TENM2: variants seen among roughly 807,000 people sequenced by gnomAD.
The protein encoded by TENM2 is teneurin-2.
A neutral mutation model predicts 245.2 loss-of-function variants in TENM2; 52 were observed. The observed-to-expected ratio is 0.21, with a 90% CI of 0.17 to 0.27. The LOEUF is 0.27. Ranked by LOEUF, TENM2 falls within the 10% of genes least tolerant of loss-of-function variation. The probability of loss-of-function intolerance (pLI) is 1.00; values close to 1 mark genes in which losing one functional copy is unlikely to be tolerated. For missense variants in TENM2, 3,046 were observed against 3,666.8 expected (o/e 0.83, Z 4.37); for synonymous variants, 1,363 against 1,438.9 (o/e 0.95, Z 1.19).
chr5:167,963,725 G>T (rs948400882), intron 4 of TENM2, among the ~76,000 whole-genome samples: 2 of 152,000 alleles, frequency 1.3e-5, no homozygotes, highest in East Asian at 3.9e-4. Context: ...TCTCTGCATT[G>T]CTCTCTTGAT....
intron 5 of TENM2, 109 bp downstream of exon 7, chr5:167,993,291 T>A: frequency 1.2e-6 from 1 of 856,712 alleles, no homozygotes; most frequent in South Asian, 1.7e-5. Context: ...TTTGCTTCTT[T>A]GCTCCTGAAA....
chr5:167,688,817 A>T (rs759991126), intron 2 of TENM2, among the ~76,000 whole-genome samples: 1 of 152,222 alleles, frequency 6.6e-6, no homozygotes, highest in Non-Finnish European at 1.5e-5. Flanking sequence ...ATTCCACAGC[A>T]TTCTCAGGCT....
chr5:167,411,765 A>C (rs1310527115), intron 2 of TENM2, among the ~76,000 whole-genome samples: 5 of 152,074 alleles, frequency 3.3e-5, no homozygotes, highest in African/African-American at 1.2e-4. Context: ...CATGTTATTA[A>C]AACTCAAACC....
At chr5:167,821,349 C>T (rs1282089514) in intron 2 of TENM2, 1 of 152,150 alleles carries the variant, frequency 6.6e-6, no homozygotes, top group Non-Finnish European at 1.5e-5. Flanking sequence ...TCTCGCAGAG[C>T]AAGGATCTGT....
intron 1 of TENM2, among the ~76,000 whole-genome samples, chr5:167,324,318 A>G (rs1199551099): frequency 6.6e-6 from 1 of 152,228 alleles, no homozygotes; most frequent in Non-Finnish European, 1.5e-5. Flanking sequence ...AAAATATTTC[A>G]AATAGCATTA....
intron 2 of TENM2, among the ~76,000 whole-genome samples, chr5:167,472,675 A>G (rs11957887): frequency 0.23 from 34,975 of 152,130 alleles, 4,152 homozygotes; most frequent in Admixed American, 0.31. Context: ...TTATCTTCAT[A>G]TAAAGGCTTT....
intron 2 of TENM2, among the ~76,000 whole-genome samples, chr5:167,729,722 G>A (rs1361463951): frequency 3.3e-5 from 5 of 152,068 alleles, no homozygotes; most frequent in African/African-American, 1.2e-4. Context: ...TAGATCTGTT[G>A]GATTTTCTTC....
chr5:167,342,568 C>T (rs1304686393), intron 1 of TENM2, among the ~76,000 whole-genome samples: 4 of 125,404 alleles, frequency 3.2e-5, no homozygotes, highest in African/African-American at 1.2e-4. Flanking sequence ...TCGCCCAGGC[C>T]GGACTGCGGA....
chr5:168,164,861 C>G (rs915303096), intron 13 of TENM2, among the ~76,000 whole-genome samples: 4 of 152,194 alleles, frequency 2.6e-5, no homozygotes, highest in Non-Finnish European at 4.4e-5. Context: ...CCACCTTGGA[C>G]CAGTCATTGA....
chr5:167,337,259 A>G (rs941529491), intron 1 of TENM2, among the ~76,000 whole-genome samples: 2 of 152,068 alleles, frequency 1.3e-5, no homozygotes, highest in Non-Finnish European at 2.9e-5. Flanking sequence ...AAAGCAAGCA[A>G]GTTTACAATT....
chr5:167,574,968 C>T (rs1774539364), intron 2 of TENM2, among the ~76,000 whole-genome samples: 1 of 152,090 alleles, frequency 6.6e-6, no homozygotes. Context: ...ACACAAAATG[C>T]ATGATCTCCC....
chr5:167,911,055 T>A (rs943182271), intron 3 of TENM2, among the ~76,000 whole-genome samples: 2 of 152,226 alleles, frequency 1.3e-5, no homozygotes, highest in South Asian at 4.1e-4. Flanking sequence ...TTTGATGTTT[T>A]TTTCAACTAC....
chr5:167,904,178 A>G (rs1352250648), intron 3 of TENM2, among the ~76,000 whole-genome samples: 2 of 152,178 alleles, frequency 1.3e-5, no homozygotes, highest in Non-Finnish European at 2.9e-5. Context: ...CCTAAATTAG[A>G]TACTTTGTCT....
chr5:167,348,820 T>C (rs1271736982), intron 1 of TENM2, among the ~76,000 whole-genome samples: 1 of 152,190 alleles, frequency 6.6e-6, no homozygotes, highest in Non-Finnish European at 1.5e-5. Context: ...AATACTGCCT[T>C]CTTGGCATCG....
At chr5:168,185,041 T>A (rs1760264158) in intron 13 of TENM2, 1 of 152,206 alleles carries the variant, frequency 6.6e-6, no homozygotes, top group South Asian at 2.1e-4. Context: ...TGATTCCTCT[T>A]CAGATGCTCA....
intron 2 of TENM2, among the ~76,000 whole-genome samples, chr5:167,631,742 C>T (rs1778888855): frequency 6.6e-6 from 1 of 152,086 alleles, no homozygotes; most frequent in Non-Finnish European, 1.5e-5. Flanking sequence ...GCAAATGTTG[C>T]TTTAAACTTC....
At chr5:167,995,091 G>A (rs533920486) in intron 5 of TENM2, among the ~76,000 whole-genome samples, 4 of 152,246 alleles carry the variant, frequency 2.6e-5, no homozygotes, top group East Asian at 3.9e-4. Flanking sequence ...TGAGCACCAC[G>A]GGGAGCCCAG....
chr5:168,218,324 G>C lies in TENM2; in HGVS notation c.4433G>C (p.Ser1478Thr). The C allele has an allele frequency of 6.2e-7, 1 of 1,613,998 alleles. No individual in the cohort carries two copies. The highest frequency in any genetic ancestry group is 8.5e-7 in the Non-Finnish European group (1 of 1,179,894). ...ATTCACTCTGCCCTGGAGTCAGCCA[G>C]TGCCATTGCCATTTCTCACACTGGG... The change falls in exon 23 of 29, where the codon AGT (serine) becomes ACT (threonine). Residue 1478 changes from serine to threonine, a missense_variant. Ser to Thr is a moderately conservative substitution (Grantham distance 58). This residue lies in a region of TENM2 where 2,704 missense variants were observed against 3,331.9 expected (regional missense o/e 0.81). Coordinates refer to ENST00000518659, the Ensembl canonical transcript of TENM2. This position sits in a 1 kb window ranked among gnomAD's most constrained non-coding sequence, Gnocchi z 5.2.
chr5:167,005,530 GA>G, the TENM2 span, among the ~76,000 whole-genome samples: 1 of 151,348 alleles, frequency 6.6e-6, no homozygotes, highest in African/African-American at 2.4e-5. Context: ...GTACTATACT[GA>G]ACTTTTAACT....
Sources: gnomAD v4.1 joint callset for allele counts (sites outside exome capture counted in the v4.1 genomes callset) on GRCh38, gnomAD v4.1.1 for gene constraint, gnomAD v4.1.1 regional missense constraint, Gnocchi (gnomAD v3.1) non-coding constraint, MANE v1.5 for transcripts, NCBI Gene and HGNC (gene_info 2026-07-23, HGNC 2026-07-21) for gene names.